Variants in MPP4 observed in about 807,000 individuals in gnomAD.
MPP4 encodes MAGUK p55 subfamily member 4.
MPP4 carries 91 observed loss-of-function variants against 98.3 expected under a neutral mutation model. That is an observed-to-expected ratio of 0.93 (90% CI 0.78 to 1.10). MPP4 has a LOEUF of 1.10. Among genes scored for constraint, MPP4 ranks in the 50% least tolerant of loss-of-function variants. The pLI is 0.00. For missense variants in MPP4, 744 were observed against 792.9 expected (o/e 0.94, Z 0.74); for synonymous variants, 261 against 271.8 (o/e 0.96, Z 0.39).
rs1217714686 is a variant in MPP4, at chr2:201,688,947, T to C, written c.279+1255A>G. On this transcript the variant is annotated intron_variant, in intron 4 of 21. Transcript: ENST00000409474. ...AATTTAAACAATAACAAGGGGTCAA[T>C]GTGGCTGGAACAGAGTGAATGGAGA... is the stretch of plus-strand genomic sequence containing the variant. Among the ~76,000 whole-genome samples the C allele has an allele frequency of 2.0e-5, 3 of 152,116 alleles. No individual in the cohort carries two copies. The South Asian group carries it at 6.2e-4, about 32-fold the overall frequency.
Position 201,680,918 on chromosome 2 carries a change from A to G in MPP4, c.849T>C (p.Asp283=). ...TTTTTCGGGCCTGCCACCAGAGGGC[A>G]TCATTCTGGTCCACAATCTGGAGGA... ...GDILQIVDQN[D]ALWWQARKIS... Residue 283 remains aspartate, a synonymous_variant, in exon 10 of 22, where the codon GAT becomes GAC. Transcript: ENST00000409474. 1.9e-6 allele frequency: 3 copies of G among 1,613,876 alleles called. No individual in the cohort carries two copies. The highest frequency in any genetic ancestry group is 2.5e-6 in the Non-Finnish European group (3 of 1,179,836).
chr2:201,683,448 T>G (rs1003972237), intron 7 of MPP4, among the ~76,000 whole-genome samples: 3 of 151,848 alleles, frequency 2.0e-5, no homozygotes, highest in African/African-American at 7.3e-5. Flanking sequence ...GGTCAAGAAG[T>G]GAAAATAAAA....
At chr2:201,694,311 T>C (rs1689116803) in intron 1 of MPP4, among the ~76,000 whole-genome samples, 1 of 152,184 alleles carries the variant, frequency 6.6e-6, no homozygotes, top group Non-Finnish European at 1.5e-5. Context: ...ACAAATACTA[T>C]ATTTATTTAT....
intron 17 of MPP4, among the ~76,000 whole-genome samples, chr2:201,655,483 T>C (rs1242728657): frequency 2.0e-5 from 3 of 152,228 alleles, no homozygotes; most frequent in Non-Finnish European, 2.9e-5. Flanking sequence ...AAATCTTTGA[T>C]AATTTTTTAA....
intron 1 of MPP4, 27 bp downstream of exon 1, chr2:201,698,560 T>A: frequency 7.7e-7 from 1 of 1,302,246 alleles, no homozygotes; most frequent in Non-Finnish European, 1.0e-6. Context: ...TTCTGGTAAC[T>A]GAGGATTATT....
At chr2:201,671,370 AG>A (rs1688339398) in intron 11 of MPP4, among the ~76,000 whole-genome samples, 1 of 152,144 alleles carries the variant, frequency 6.6e-6, no homozygotes, top group African/African-American at 2.4e-5. Flanking sequence ...GGGACACTCC[AG>A]CTTTGACAGG....
chr2:201,687,326 C>T lies in MPP4; in HGVS notation c.325G>A (p.Glu109Lys), dbSNP rs58286283. ...RETPTSPEIQELRQMLQAPHF... is the reference protein window; with the variant it reads ...RETPTSPEIQKLRQMLQAPHF... The stretch of plus-strand genomic sequence containing the variant: ...GGAGCCTGGAGCATTTGTCTCAGCT[C>T]TTGGATCTCAGGGGAAGTAGGGGTT... Residue 109 changes from glutamate to lysine, a missense_variant, in exon 5 of 22, where the codon GAG becomes AAG. By Grantham distance (56) the Glu-to-Lys change is moderately conservative. Coordinates refer to ENST00000409474, the MANE Select transcript of MPP4 (RefSeq NM_033066.3). 4.6e-3 allele frequency: 7,315 copies of T among 1,585,156 alleles called. 266 individuals are homozygous for T. In the African/African-American group the frequency reaches 0.085, roughly 19 times the overall value.
chr2:201,697,963 T>C (rs1207705152), intron 1 of MPP4: 1 of 985,334 alleles, frequency 1.0e-6, no homozygotes, highest in African/African-American at 1.7e-5. Context: ...ACCAAATTTG[T>C]CAGTTGAAGC....
intron 1 of MPP4, among the ~76,000 whole-genome samples, chr2:201,695,623 G>C (rs1178659023): frequency 6.6e-6 from 1 of 152,126 alleles, no homozygotes; most frequent in Non-Finnish European, 1.5e-5. Flanking sequence ...AAGGGAGTGA[G>C]AGTATTTACA....
rs186359844 is a variant in MPP4 at position 201,649,942 on chromosome 2, C to T, written c.1475+130G>A. The T allele has an allele frequency of 3.1e-5, 29 of 936,216 alleles. No individual in the cohort carries two copies. In the South Asian group the frequency reaches 4.7e-4, roughly 15 times the overall value. 58.0% of individuals were successfully genotyped at this position (936,216 alleles called of 1,614,324 possible). On this transcript the variant is annotated intron_variant, in intron 19 of 21. Coordinates refer to ENST00000409474, the MANE Select transcript of MPP4 (RefSeq NM_033066.3). ...AGTTGGTGTGCTGTATATCGATGTACATTTCTTGCTTAACTCCTCAGAAAC... is the reference window on the plus strand; with the variant it reads ...AGTTGGTGTGCTGTATATCGATGTATATTTCTTGCTTAACTCCTCAGAAAC...
chr2:201,656,186 G>T lies in MPP4; in HGVS notation c.1300+12C>A. Reference sequence around the variant, plus strand: ...TCAAGGAGGAGGAGAGACAGTGCATGCTGGGACATACCCATGAGCACTATG... The same window carrying T: ...TCAAGGAGGAGGAGAGACAGTGCATTCTGGGACATACCCATGAGCACTATG... On this transcript the variant is annotated intron_variant, in intron 17 of 21. Transcript: ENST00000409474. The T allele has an allele frequency of 6.3e-7, 1 of 1,595,038 alleles. No homozygotes were observed. Among genetic ancestry groups the T allele is most frequent in the Non-Finnish European group, 8.5e-7 (1 of 1,170,410 alleles).
chr2:201,650,703 G>GT, intron 18 of MPP4: 1 of 985,380 alleles, frequency 1.0e-6, no homozygotes, highest in Non-Finnish European at 1.2e-6. Context: ...CTAGATGAGT[G>GT]TTTTTTACAA....
chr2:201,697,962 G>T, intron 1 of MPP4: 1 of 985,374 alleles, frequency 1.0e-6, no homozygotes, highest in Non-Finnish European at 1.2e-6. Flanking sequence ...TACCAAATTT[G>T]TCAGTTGAAG....
chr2:201,680,722 G>C lies in MPP4; in HGVS notation c.929+116C>G, dbSNP rs1324664353. 5.9e-6 allele frequency: 5 copies of C among 847,080 alleles called. No homozygotes were observed. In the Admixed American group the frequency reaches 1.0e-4, roughly 17 times the overall value. The allele number at this position is 847,080 out of a possible 1,614,324, so 52.5% of individuals were successfully genotyped here. A position where few individuals can be genotyped will look rare whatever the true frequency, so the allele number is the denominator to read the frequency against. On this transcript the variant is annotated intron_variant, in intron 10 of 21. Transcript: ENST00000409474. ...TTTGGATTTATAAACCAGTGTGTGT[G>C]TGTTCATTCATCTGCTTGTCCCTCT... is the stretch of plus-strand genomic sequence containing the variant.
intron 13 of MPP4, chr2:201,665,645 C>T (rs1462946078): frequency 6.6e-6 from 1 of 152,124 alleles, no homozygotes; most frequent in Non-Finnish European, 1.5e-5. Context: ...TCTGCTGTTG[C>T]TCTGGAAAAT....
intron 16 of MPP4, 81 bp downstream of exon 16, chr2:201,658,396 G>C: frequency 8.1e-7 from 1 of 1,230,186 alleles, no homozygotes; most frequent in Non-Finnish European, 1.2e-6. Flanking sequence ...ATTAGCAAAA[G>C]AAACTTTCAA....
At chr2:201,681,439 G>T in intron 9 of MPP4, 57 bp downstream of exon 9, 1 of 1,336,932 alleles carries the variant, frequency 7.5e-7, no homozygotes, top group Non-Finnish European at 1.1e-6. Flanking sequence ...ATCATATTTA[G>T]TTGCTGTTAC....
At chr2:201,687,117 C>A (rs1379835510) in intron 5 of MPP4, among the ~76,000 whole-genome samples, 174 bp downstream of exon 5, 2 of 152,220 alleles carry the variant, frequency 1.3e-5, no homozygotes, top group African/African-American at 4.8e-5. Flanking sequence ...ATTGACAACA[C>A]TGAGCTAGTC....
In MPP4 at chr2:201,660,332, C is replaced by T. The variant is rs371999523; in HGVS notation, c.1087G>A (p.Asp363Asn). Reference sequence around the variant, plus strand: ...ATATCTAGGAAATAAAAACAATTACCTTCTGAAAGTTCCTCTGGATATTTG... The same window carrying T: ...ATATCTAGGAAATAAAAACAATTACTTTCTGAAAGTTCCTCTGGATATTTG... ...ETFESEELSEDKEEFVGYGQK... is the reference protein window; with the variant it reads ...ETFESEELSENKEEFVGYGQK... Residue 363 changes from aspartate to asparagine, a missense_variant and splice_region_variant, in exon 15 of 22, where the codon GAC becomes AAC. Transcript: ENST00000409474. 8.1e-6 allele frequency: 13 copies of T among 1,612,756 alleles called. No individual in the cohort carries two copies. The highest frequency in any genetic ancestry group is 1.3e-5 in the African/African-American group (1 of 74,874).
Sources: gnomAD v4.1 joint callset for allele counts (sites outside exome capture counted in the v4.1 genomes callset) on GRCh38, gnomAD v4.1.1 for gene constraint, MANE v1.5 for transcripts, NCBI Gene and HGNC (gene_info 2026-07-23, HGNC 2026-07-21) for gene names.